CC2D2B: variants seen among roughly 807,000 people sequenced by gnomAD.
CC2D2B encodes protein CC2D2B.
A neutral mutation model predicts 161.2 loss-of-function variants in CC2D2B; 128 were observed. The ratio of observed to expected loss-of-function variants is 0.79; its 90% CI spans 0.69 to 0.92. The LOEUF is 0.92. Ranked by LOEUF, CC2D2B falls within the 40% of genes least tolerant of loss-of-function variation. The probability of loss-of-function intolerance (pLI) is 0.00; values close to 1 mark genes in which losing one functional copy is unlikely to be tolerated. For missense variants in CC2D2B, 1,173 were observed against 1,375.1 expected (o/e 0.85, Z 2.32); for synonymous variants, 391 against 449.8 (o/e 0.87, Z 1.65).
chr10:95,993,882 T>G (rs2078071233), intron 22 of CC2D2B, among the ~76,000 whole-genome samples: 2 of 89,564 alleles, frequency 2.2e-5, no homozygotes, highest in African/African-American at 4.4e-5. Flanking sequence ...TGTATATATA[T>G]ATATATAGAG....
intron 15 of CC2D2B, among the ~76,000 whole-genome samples, chr10:95,970,927 T>C (rs1016966461): frequency 1.3e-5 from 2 of 152,184 alleles, no homozygotes; most frequent in Non-Finnish European, 2.9e-5. Context: ...TCTTTGACTT[T>C]CCTTTTTCTT....
chr10:95,972,993 T>C (rs995604147), intron 16 of CC2D2B, among the ~76,000 whole-genome samples: 2 of 152,166 alleles, frequency 1.3e-5, no homozygotes, highest in Admixed American at 1.3e-4. Flanking sequence ...ACTCCTCTTA[T>C]ACGGTTAAAT....
chr10:96,025,641 G>T (rs988080275), intron 33 of CC2D2B, among the ~76,000 whole-genome samples: 1 of 152,162 alleles, frequency 6.6e-6, no homozygotes, highest in Non-Finnish European at 1.5e-5. Flanking sequence ...AGTAGAAACG[G>T]CAGTACTGCC....
chr10:96,016,089 A>AT (rs144143885), intron 29 of CC2D2B, 112 bp from the exon 30 acceptor site: 10,954 of 684,902 alleles, frequency 0.016, 146 homozygotes, highest in Non-Finnish European at 0.021. Context: ...GTAAAAATAA[A>AT]TGTGTTTGGA....
chr10:95,924,518 C>CGT, intron 4 of CC2D2B, 128 bp downstream of exon 4: 1 of 535,222 alleles, frequency 1.9e-6, no homozygotes, highest in Non-Finnish European at 3.3e-6. Context: ...CTAAAGTCTT[C>CGT]CTCTCTCTCT....
intron 25 of CC2D2B, among the ~76,000 whole-genome samples, chr10:96,009,236 A>G (rs541625582): frequency 4.1e-4 from 63 of 152,156 alleles, no homozygotes; most frequent in Admixed American, 1.4e-3. Flanking sequence ...CACTCTGACA[A>G]TCTCTGCCTT....
Position 96,032,893 on chromosome 10 carries a change from T to G in CC2D2B, c.*885T>G. On this transcript the variant is annotated 3_prime_UTR_variant, in exon 35 of 35. Coordinates refer to ENST00000646931, the MANE Select transcript of CC2D2B (RefSeq NM_001349008.3). ...TGCCTCTGGCACTTTTTGCTGCTTT[T>G]CTTTCTTAGTAGTGGCTTATCTAGA... is the stretch of plus-strand genomic sequence containing the variant. 5 of 420,406 alleles carry G rather than the reference T, an allele frequency of 1.2e-5. No individual in the cohort carries two copies. The highest frequency in any genetic ancestry group is 9.3e-5 in the South Asian group (5 of 53,820). The allele number at this position is 420,406 out of a possible 1,614,324, so 26.0% of individuals were successfully genotyped here. A position where few individuals can be genotyped will look rare whatever the true frequency, so the allele number is the denominator to read the frequency against.
intron 34 of CC2D2B, among the ~76,000 whole-genome samples, chr10:96,029,241 C>CATATATATATATATATAT (rs56195141): frequency 1.2e-4 from 8 of 67,150 alleles, no homozygotes; most frequent in Non-Finnish European, 2.8e-4. Context: ...TTTCATGTAC[C>CATATATATATATATATAT]ATATATATAT....
chr10:96,029,036 A>G (rs974708974), intron 34 of CC2D2B, among the ~76,000 whole-genome samples: 5 of 151,838 alleles, frequency 3.3e-5, no homozygotes, highest in Non-Finnish European at 7.4e-5. Context: ...AATAGAATGA[A>G]TAAGACCTAG....
chr10:95,998,628 A>G lies in CC2D2B; in HGVS notation c.2849+2376A>G, dbSNP rs117203733. Among the ~76,000 whole-genome samples the G allele has an allele frequency of 3.9e-3, 590 of 152,226 alleles. 1 individual carries two copies. The highest frequency in any genetic ancestry group is 5.4e-3 in the Non-Finnish European group (368 of 68,014). On this transcript the variant is annotated intron_variant, in intron 24 of 34. Transcript: ENST00000646931. The stretch of plus-strand genomic sequence containing the variant: ...CTGGCAAGTCCACAATGTGCAGGGT[A>G]GGATGGCAAGCTGGAGACTTGGGAA...
intron 9 of CC2D2B, among the ~76,000 whole-genome samples, chr10:95,942,780 G>C (rs1183909155): frequency 6.6e-6 from 1 of 151,916 alleles, no homozygotes; most frequent in Admixed American, 6.6e-5. Context: ...TTTCCTGTAG[G>C]CTGTTATTTT....
chr10:96,030,547 A>G (rs953096329), intron 34 of CC2D2B, among the ~76,000 whole-genome samples: 4 of 152,256 alleles, frequency 2.6e-5, no homozygotes, highest in Non-Finnish European at 4.4e-5. Context: ...TACAGGCACT[A>G]TTCACTCATG....
At chr10:95,922,447 A>G (rs1440223809) in intron 3 of CC2D2B, among the ~76,000 whole-genome samples, 1 of 152,230 alleles carries the variant, frequency 6.6e-6, no homozygotes, top group East Asian at 1.9e-4. Context: ...TTTATTGAGC[A>G]TGTATTATAT....
chr10:95,938,959 A>G (rs1052305444), intron 9 of CC2D2B, 34 bp downstream of exon 9: 1 of 660,930 alleles, frequency 1.5e-6, no homozygotes, highest in Admixed American at 2.7e-5. Flanking sequence ...AATTATGGTT[A>G]AAATTCTTGT....
At position 95,927,292 on chromosome 10, in the gene CC2D2B, G is replaced by C. The variant is rs41291582; in HGVS notation, c.296G>C (p.Ser99Thr). The C allele has an allele frequency of 0.016, 24,061 of 1,551,438 alleles. 247 individuals carry two copies. Among genetic ancestry groups the C allele is most frequent in the Middle Eastern group, 0.025 (148 of 5,996 alleles). ...GAAAGTCTTTCATTTTTCATTCTGA[G>C]TGGTGAAGAAGGTTCAGCTTTGGGC... ...LDESLSFFIL[S>T]GEEGSALGKS... The change falls in exon 6 of 35, where the codon AGT (serine) becomes ACT (threonine). Residue 99 changes from serine (S) to threonine (T), a missense_variant. By Grantham distance (58) the Ser-to-Thr change is moderately conservative. Transcript: ENST00000646931.
At chr10:95,928,560 C>T (rs776525522) in intron 6 of CC2D2B, among the ~76,000 whole-genome samples, 1 of 152,118 alleles carries the variant, frequency 6.6e-6, no homozygotes, top group Non-Finnish European at 1.5e-5. Context: ...CCTCCCCTCG[C>T]CCCCACCCCC....
intron 25 of CC2D2B, 121 bp from the exon 26 acceptor site, chr10:96,009,704 A>G: frequency 2.1e-6 from 1 of 485,750 alleles, no homozygotes; most frequent in Admixed American, 4.0e-5. Flanking sequence ...GATCTTTTCT[A>G]TTTATCTTTT....
intron 3 of CC2D2B, among the ~76,000 whole-genome samples, chr10:95,923,740 C>T (rs1021608479): frequency 2.0e-5 from 3 of 152,214 alleles, no homozygotes; most frequent in South Asian, 4.1e-4. Context: ...GAGGGCTGGG[C>T]GCGGTGGCTC....
intron 32 of CC2D2B, among the ~76,000 whole-genome samples, chr10:96,023,777 C>A (rs113186274): frequency 4.6e-5 from 7 of 152,184 alleles, no homozygotes; most frequent in African/African-American, 1.4e-4. Flanking sequence ...GGCATCAGAG[C>A]CAGCGGAAGG....
Sources: gnomAD v4.1 joint callset for allele counts (sites outside exome capture counted in the v4.1 genomes callset) on GRCh38, gnomAD v4.1.1 for gene constraint, MANE v1.5 for transcripts, NCBI Gene and HGNC (gene_info 2026-07-23, HGNC 2026-07-21) for gene names.